PHB1: variants seen among roughly 807,000 people sequenced by gnomAD.
PHB1 encodes the protein epididymis luminal protein 215.
At chr17:49,409,217 A>G in the PHB1 span, 8 of 1,572,624 alleles carry the variant, frequency 5.1e-6, no homozygotes, top group Non-Finnish European at 7.0e-6. Context: ...CAGAAAAGGA[A>G]CCAGGAAACT....
the PHB1 span, chr17:49,407,202 G>A: frequency 3.3e-5 from 8 of 241,756 alleles, no homozygotes; most frequent in South Asian, 4.1e-4. Flanking sequence ...TAAGACCCCC[G>A]CCACTGACTA....
chr17:49,408,874 C>T, the PHB1 span: 1 of 590,978 alleles, frequency 1.7e-6, no homozygotes, highest in Non-Finnish European at 3.0e-6. Context: ...GAACCCTCAA[C>T]TGAAAAACCC....
At chr17:49,405,846 C>T in the PHB1 span, among the ~76,000 whole-genome samples, 1 of 152,172 alleles carries the variant, frequency 6.6e-6, no homozygotes, top group Non-Finnish European at 1.5e-5. Context: ...TTGACTGTTC[C>T]TAGAGCTGCC....
the PHB1 span, chr17:49,408,889 A>T: frequency 6.4e-6 from 4 of 625,194 alleles, no homozygotes; most frequent in South Asian, 8.8e-5. Flanking sequence ...AAACCCACGG[A>T]GACTGCCTCA....
chr17:49,405,765 CACAA>C, the PHB1 span, among the ~76,000 whole-genome samples: 38,494 of 151,216 alleles, frequency 0.25, 5,791 homozygotes, highest in Non-Finnish European at 0.35. Flanking sequence ...ACAGAGCTGT[CACAA>C]ACAAACAAAC....
the PHB1 span, among the ~76,000 whole-genome samples, chr17:49,407,938 A>G: frequency 6.6e-6 from 1 of 152,254 alleles, no homozygotes; most frequent in Non-Finnish European, 1.5e-5. Context: ...TACAAGGGCC[A>G]GCTGAGGGCA....
At chr17:49,408,488 G>A in the PHB1 span, among the ~76,000 whole-genome samples, 1 of 152,190 alleles carries the variant, frequency 6.6e-6, no homozygotes, top group African/African-American at 2.4e-5. Context: ...AAACACACAA[G>A]CTATAGTGTC....
At chr17:49,409,106 T>C in the PHB1 span, 1 of 1,614,018 alleles carries the variant, frequency 6.2e-7, no homozygotes, top group Non-Finnish European at 8.5e-7. Context: ...GTCGCTCACC[T>C]GCCTGGAGAC....
the PHB1 span, chr17:49,409,172 G>C: frequency 6.2e-7 from 1 of 1,605,468 alleles, no homozygotes; most frequent in East Asian, 2.2e-5. Context: ...GTTTCAAAGG[G>C]AGGAGCAGAA....
At chr17:49,406,872 G>A in the PHB1 span, 6 of 1,566,018 alleles carry the variant, frequency 3.8e-6, no homozygotes, top group Non-Finnish European at 4.4e-6. Context: ...GAGAGAGTGA[G>A]CACAAGATGA....
chr17:49,410,580 G>A, the PHB1 span, among the ~76,000 whole-genome samples: 4 of 152,332 alleles, frequency 2.6e-5, no homozygotes, highest in East Asian at 7.7e-4. Flanking sequence ...AAGAATTGTA[G>A]GGTGAGGCCT....
chr17:49,406,981 C>T, the PHB1 span: 3 of 698,412 alleles, frequency 4.3e-6, no homozygotes, highest in Non-Finnish European at 7.8e-6. Context: ...TCCGTGAGGC[C>T]AGAACACTCT....
chr17:49,414,849 A>C, the PHB1 span: 1 of 152,110 alleles, frequency 6.6e-6, no homozygotes, highest in Non-Finnish European at 1.5e-5. Context: ...TTCCACTCTG[A>C]CCTCCACATG....
chr17:49,413,297 G>C, the PHB1 span: 3 of 1,520,490 alleles, frequency 2.0e-6, no homozygotes, highest in Non-Finnish European at 2.7e-6. Context: ...CACACCTAAG[G>C]GGATAAAAAC....
the PHB1 span, chr17:49,409,524 A>C: frequency 6.7e-7 from 1 of 1,493,800 alleles, no homozygotes; most frequent in Non-Finnish European, 9.1e-7. Context: ...CACTGTAGGA[A>C]AACAAGTGTT....
chr17:49,414,297 G>T, the PHB1 span: 1 of 152,176 alleles, frequency 6.6e-6, no homozygotes. Context: ...GCTTCTTATG[G>T]AAGCAGGAGC....
At chr17:49,409,500 TTAAAAA>T in the PHB1 span, 2 of 1,583,898 alleles carry the variant, frequency 1.3e-6, no homozygotes, top group Non-Finnish European at 1.7e-6. Flanking sequence ...AACACTGGAG[TTAAAAA>T]TAAAAACCAC....
the PHB1 span, chr17:49,412,844 C>G: frequency 4.7e-6 from 1 of 213,292 alleles, no homozygotes; most frequent in Admixed American, 5.4e-5. Context: ...AATGAGATCT[C>G]CATTTCAGAT....
At chr17:49,410,554 TAGAC>T in the PHB1 span, among the ~76,000 whole-genome samples, 2 of 152,186 alleles carry the variant, frequency 1.3e-5, no homozygotes, top group Non-Finnish European at 2.9e-5. Context: ...TTTAAGACAA[TAGAC>T]AGGGCAATGC....
Sources: gnomAD v4.1 joint callset for allele counts (sites outside exome capture counted in the v4.1 genomes callset) on GRCh38, gnomAD v4.1.1 for gene constraint, MANE v1.5 for transcripts, NCBI Gene and HGNC (gene_info 2026-07-23, HGNC 2026-07-21) for gene names.